ADCY8: variants seen among roughly 807,000 people sequenced by gnomAD.
ADCY8 encodes the protein adenylate cyclase type 8.
In ADCY8, 51 loss-of-function variants were observed where a neutral mutation model predicts 119.7. The observed-to-expected ratio is 0.43, with a 90% CI of 0.34 to 0.54. The LOEUF is 0.54. Among genes scored for constraint, ADCY8 ranks in the 20% least tolerant of loss-of-function variants. The probability of loss-of-function intolerance (pLI) is 0.03; values close to 1 mark genes in which losing one functional copy is unlikely to be tolerated. For missense variants in ADCY8, 1,383 were observed against 1,598.8 expected, an observed-to-expected ratio of 0.87 and a Z score of 2.30; for synonymous variants, 665 against 651.0, an observed-to-expected ratio of 1.02 and a Z score of -0.33.
At chr8:130,853,380 T>A (rs1817602928) in intron 9 of ADCY8, among the ~76,000 whole-genome samples, 1 of 152,128 alleles carries the variant, frequency 6.6e-6, no homozygotes, top group Admixed American at 6.5e-5. Context: ...GTGGAGTGCG[T>A]TGGTTTAATC....
At chr8:130,849,317 T>A (rs187230140) in intron 10 of ADCY8, among the ~76,000 whole-genome samples, 5 of 152,312 alleles carry the variant, frequency 3.3e-5, no homozygotes, top group African/African-American at 7.2e-5. Context: ...GTAACTCTTA[T>A]TTATGATGTA....
At chr8:131,006,668 GC>G (rs1313196439) in intron 1 of ADCY8, among the ~76,000 whole-genome samples, 2 of 152,120 alleles carry the variant, frequency 1.3e-5, no homozygotes. Context: ...ACAGATCACT[GC>G]CTGGGTCACC....
intron 2 of ADCY8, among the ~76,000 whole-genome samples, chr8:130,953,656 T>G (rs1821340925): frequency 6.6e-6 from 1 of 152,202 alleles, no homozygotes. Context: ...TGTGCCTTAG[T>G]TCCCTAATTT....
At chr8:130,855,097 CTG>C (rs1563694764) in intron 9 of ADCY8, among the ~76,000 whole-genome samples, 1,818 of 118,184 alleles carry the variant, frequency 0.015, 35 homozygotes, top group African/African-American at 0.068. Context: ...TGGGTAAGCA[CTG>C]TCTCTCTCTC....
chr8:130,846,511 C>T (rs995170266), intron 11 of ADCY8, among the ~76,000 whole-genome samples: 7 of 149,970 alleles, frequency 4.7e-5, no homozygotes, highest in Non-Finnish European at 8.9e-5. Flanking sequence ...TTCCTTCTTC[C>T]CTCTCTCCCT....
At chr8:130,895,805 G>T (rs1355178788) in intron 7 of ADCY8, among the ~76,000 whole-genome samples, 3 of 152,084 alleles carry the variant, frequency 2.0e-5, no homozygotes, top group Non-Finnish European at 2.9e-5. Flanking sequence ...TTACCTGTGG[G>T]GAAAAATATG....
intron 9 of ADCY8, among the ~76,000 whole-genome samples, chr8:130,857,451 C>T (rs1475510679): frequency 6.6e-6 from 1 of 151,934 alleles, no homozygotes; most frequent in Admixed American, 6.6e-5. Flanking sequence ...TCTCTTTATC[C>T]TTTTATCTTC....
intron 5 of ADCY8, among the ~76,000 whole-genome samples, chr8:130,934,781 G>C (rs899923771): frequency 6.6e-5 from 10 of 152,188 alleles, no homozygotes; most frequent in Non-Finnish European, 1.2e-4. Flanking sequence ...ACAGAAGACA[G>C]GGAGATAGTA....
At chr8:130,833,045 C>CGT (rs1816885952) in intron 12 of ADCY8, among the ~76,000 whole-genome samples, 4 of 152,184 alleles carry the variant, frequency 2.6e-5, no homozygotes, top group African/African-American at 7.2e-5. Flanking sequence ...TTATTTTGTT[C>CGT]ATACATATCT....
At chr8:130,877,953 C>A (rs1170775109) in intron 8 of ADCY8, among the ~76,000 whole-genome samples, 1 of 152,248 alleles carries the variant, frequency 6.6e-6, no homozygotes, top group East Asian at 1.9e-4. Flanking sequence ...TGAGATTTAT[C>A]TTAAAGAGGG....
chr8:130,821,573 A>G lies in ADCY8; in HGVS notation c.2676-153T>C, dbSNP rs6985332. 2.2e-3 allele frequency among the ~76,000 whole-genome samples: 341 copies of G among 152,316 alleles called. 3 individuals are homozygous for G. The highest frequency in any genetic ancestry group is 7.2e-3 in the African/African-American group (298 of 41,562). ...TAGTGGCTGCTCTAAGGGTTTGCAC[A>G]TTGGCTAATTCAAAAATCAATTGAC... is the stretch of plus-strand genomic sequence containing the variant. On this transcript the variant is annotated intron_variant, in intron 12 of 17. Transcript: ENST00000286355.
At chr8:130,793,478 T>C (rs772502923) in intron 15 of ADCY8, among the ~76,000 whole-genome samples, 2 of 152,216 alleles carry the variant, frequency 1.3e-5, no homozygotes, top group Non-Finnish European at 2.9e-5. Context: ...ACAACATATT[T>C]ACTTGTTATT....
At chr8:130,929,035 G>C (rs541990061) in intron 5 of ADCY8, among the ~76,000 whole-genome samples, 70 of 151,896 alleles carry the variant, frequency 4.6e-4, no homozygotes, top group Non-Finnish European at 8.4e-4. Flanking sequence ...TGCATCAAAT[G>C]AATTTATTCA....
chr8:130,920,281 G>A (rs138389790), intron 5 of ADCY8, among the ~76,000 whole-genome samples: 8 of 151,876 alleles, frequency 5.3e-5, no homozygotes, highest in African/African-American at 1.9e-4. Context: ...AGTGAGAACT[G>A]TGTTACATGA....
chr8:130,802,066 C>T (rs557753537), intron 14 of ADCY8, among the ~76,000 whole-genome samples: 1 of 152,020 alleles, frequency 6.6e-6, no homozygotes, highest in Admixed American at 6.6e-5. Flanking sequence ...GGTTAGTTAT[C>T]CTTCTTGGGC....
chr8:130,944,304 G>A (rs1459696400), intron 3 of ADCY8, among the ~76,000 whole-genome samples: 4 of 152,190 alleles, frequency 2.6e-5, no homozygotes, highest in Admixed American at 2.6e-4. Flanking sequence ...ATCTTACCAT[G>A]TCATCTCAGG....
chr8:130,883,771 C>T (rs977920433), intron 8 of ADCY8, among the ~76,000 whole-genome samples: 9 of 152,184 alleles, frequency 5.9e-5, no homozygotes, highest in African/African-American at 1.4e-4. Context: ...TAAGCAAGGT[C>T]GGCACCCCAT....
intron 5 of ADCY8, among the ~76,000 whole-genome samples, chr8:130,922,066 C>T (rs1160984175): frequency 1.3e-5 from 2 of 152,118 alleles, no homozygotes; most frequent in Admixed American, 1.3e-4. Flanking sequence ...CACATTAGCT[C>T]ACTCAACCCC....
At chr8:130,865,385 C>T (rs571942176) in intron 9 of ADCY8, among the ~76,000 whole-genome samples, 1 of 151,710 alleles carries the variant, frequency 6.6e-6, no homozygotes, top group African/African-American at 2.4e-5. Flanking sequence ...TTCCAAATTT[C>T]TAAGTTTTTC....
Sources: allele counts gnomAD v4.1 joint callset (sites outside exome capture counted in the v4.1 genomes callset), GRCh38; gene constraint gnomAD v4.1.1; transcripts MANE v1.5; gene names NCBI Gene and HGNC (gene_info 2026-07-23, HGNC 2026-07-21).